The following GTF2IRD2B variants were observed in gnomAD, a reference collection of about 807,000 sequenced individuals.
GTF2IRD2B encodes the protein general transcription factor II-I repeat domain-containing protein 2B.
GTF2IRD2B carries 10 observed loss-of-function variants against 55.6 expected under a neutral mutation model. That is an observed-to-expected ratio of 0.18 (90% CI 0.11 to 0.31). The LOEUF is 0.31. Ranked by LOEUF, GTF2IRD2B falls within the 10% of genes least tolerant of loss-of-function variation. GTF2IRD2B has a pLI of 1.00. For synonymous variants in GTF2IRD2B, 107 were observed against 320.5 expected, an observed-to-expected ratio of 0.33 and a Z score of 7.12; for missense variants, 206 against 802.7, an observed-to-expected ratio of 0.26 and a Z score of 8.98.
intron 1 of GTF2IRD2B, among the ~76,000 whole-genome samples, chr7:75,092,989 CG>C (rs1462469341): frequency 1.5e-3 from 234 of 152,266 alleles, no homozygotes; most frequent in Middle Eastern, 3.4e-3. Context: ...AGCCTTGCCG[CG>C]GGGGCAATGG....
chr7:75,149,402 A>G lies in GTF2IRD2B; in HGVS notation c.*105A>G. On this transcript the variant is annotated 3_prime_UTR_variant, in exon 16 of 16. Transcript: ENST00000472837. The stretch of plus-strand genomic sequence containing the variant: ...ATGAATTTTTTTTTTCTTTTTTGAG[A>G]TGGAGTCTTGCTCTGTCGCCCAGGT... The G allele has an allele frequency of 1.3e-6, 1 of 772,784 alleles. No homozygotes were observed. The highest frequency in any genetic ancestry group is 1.7e-5 in the Admixed American group (1 of 57,968). 47.9% of individuals were successfully genotyped at this position (772,784 alleles called of 1,614,324 possible). A position where few individuals can be genotyped will look rare whatever the true frequency, so the allele number is the denominator to read the frequency against.
rs71229657 is a variant in GTF2IRD2B at position 75,119,191 on chromosome 7, C to CAAAA, written c.239-1663_239-1660dup. ...CTTAGGCGACAGAGTAAGACTCTCT[C>CAAAA]AAAAAAAAAAAAAAAAAAAAAAAAA... On this transcript the variant is annotated intron_variant, in intron 3 of 15. Coordinates refer to ENST00000472837, the MANE Select transcript of GTF2IRD2B (RefSeq NM_001003795.3). Among the ~76,000 whole-genome samples, 40 of 5,130 alleles carry CAAAA rather than the reference C, an allele frequency of 7.8e-3. 9 individuals carry two copies. Among genetic ancestry groups the CAAAA allele is most frequent in the African/African-American group, 0.03 (20 of 670 alleles). The allele number at this position is 5,130 out of a possible 152,430, so 3.4% of individuals were successfully genotyped here. A position where few individuals can be genotyped will look rare whatever the true frequency, so the allele number is the denominator to read the frequency against.
At chr7:75,126,704 AAAAC>A (rs1232336985) in intron 8 of GTF2IRD2B, among the ~76,000 whole-genome samples, 2 of 145,986 alleles carry the variant, frequency 1.4e-5, no homozygotes, top group African/African-American at 2.5e-5. Context: ...CTGTCTCAAA[AAAAC>A]AAACAAGGCT....
At chr7:75,092,988 G>A (rs1184014969) in intron 1 of GTF2IRD2B, among the ~76,000 whole-genome samples, 1 of 152,286 alleles carries the variant, frequency 6.6e-6, no homozygotes, top group Non-Finnish European at 1.5e-5. Context: ...AAGCCTTGCC[G>A]CGGGGGCAAT....
intron 3 of GTF2IRD2B, among the ~76,000 whole-genome samples, chr7:75,117,795 T>A (rs1808217117): frequency 6.6e-6 from 1 of 152,250 alleles, no homozygotes; most frequent in Admixed American, 6.5e-5. Flanking sequence ...TAAAAATATA[T>A]ATATCAGCTG....
rs1554536127 is a variant in GTF2IRD2B, at chr7:75,123,755, G to A, written c.571+239G>A. 9 of 639,570 alleles carry A rather than the reference G, an allele frequency of 1.4e-5. No homozygotes were observed. The East Asian group carries it at 3.0e-4, about 21-fold the overall frequency. 39.6% of individuals were successfully genotyped at this position (639,570 alleles called of 1,614,324 possible). On this transcript the variant is annotated intron_variant, in intron 6 of 15. Coordinates refer to ENST00000472837, the MANE Select transcript of GTF2IRD2B (RefSeq NM_001003795.3). ...TAGCCGGGCGTGGTGGCGGGCGCCT[G>A]TAGTCCCAGCTACTCGGGAGTCTGA... is the stretch of plus-strand genomic sequence containing the variant.
intron 2 of GTF2IRD2B, 113 bp downstream of exon 2, chr7:75,109,176 A>G: frequency 3.0e-6 from 2 of 658,692 alleles, no homozygotes; most frequent in Non-Finnish European, 2.4e-6. Flanking sequence ...TTTTTTTAAG[A>G]CAGAGTCTCA....
At chr7:75,122,799 G>C (rs1808420749) in intron 4 of GTF2IRD2B, among the ~76,000 whole-genome samples, 1 of 149,108 alleles carries the variant, frequency 6.7e-6, no homozygotes, top group East Asian at 2.0e-4. Flanking sequence ...TGTTATCCTA[G>C]CACTTTGGCA....
At chr7:75,116,544 G>A (rs1554537253) in intron 3 of GTF2IRD2B, among the ~76,000 whole-genome samples, 2 of 149,140 alleles carry the variant, frequency 1.3e-5, no homozygotes. Context: ...TTTCAAATTT[G>A]GAGGCCTTTT....
At position 75,149,360 on chromosome 7, in the gene GTF2IRD2B, G is replaced by T; in HGVS notation, c.*63G>T. 1 of 772,210 alleles carries T rather than the reference G, an allele frequency of 1.3e-6. No individual in the cohort carries two copies. The highest frequency in any genetic ancestry group is 2.4e-5 in the East Asian group (1 of 41,224). The allele number at this position is 772,210 out of a possible 1,614,324, so 47.8% of individuals were successfully genotyped here. On this transcript the variant is annotated 3_prime_UTR_variant, in exon 16 of 16. Transcript: ENST00000472837. ...AGGCTGGAGTCTTCTAGTCCCAAGG[G>T]ATTGGGAGATGACAAAATGAATTTT... is the stretch of plus-strand genomic sequence containing the variant.
chr7:75,093,645 A>G (rs1265178542), intron 1 of GTF2IRD2B, among the ~76,000 whole-genome samples: 1 of 152,246 alleles, frequency 6.6e-6, no homozygotes, highest in Non-Finnish European at 1.5e-5. Context: ...GTGTGGATAG[A>G]ATCATCCCAA....
intron 12 of GTF2IRD2B, among the ~76,000 whole-genome samples, chr7:75,139,644 A>C (rs1808958342): frequency 8.8e-6 from 1 of 114,238 alleles, no homozygotes; most frequent in Non-Finnish European, 1.8e-5. Flanking sequence ...AAAAAAATAA[A>C]TAATAATAAT....
intron 1 of GTF2IRD2B, among the ~76,000 whole-genome samples, chr7:75,105,071 C>T (rs1807736820): frequency 6.6e-6 from 1 of 152,302 alleles, no homozygotes; most frequent in African/African-American, 2.4e-5. Flanking sequence ...GTGGCATGCA[C>T]CTGTAGTCCC....
intron 1 of GTF2IRD2B, among the ~76,000 whole-genome samples, chr7:75,102,201 C>A: frequency 6.6e-6 from 1 of 151,176 alleles, no homozygotes; most frequent in African/African-American, 2.4e-5. Context: ...CAAAGTTTCA[C>A]CAAGTTGGCC....
chr7:75,092,799 A>G (rs1807288533), intron 1 of GTF2IRD2B, 34 bp downstream of exon 1: 1 of 153,812 alleles, frequency 6.5e-6, no homozygotes, highest in East Asian at 1.9e-4. Context: ...GACGCCGCCG[A>G]CGCCGCCATT....
Position 75,123,468 on chromosome 7 carries a change from T to C in GTF2IRD2B, c.543-20T>C, listed in dbSNP as rs1808451126. 2 of 729,044 alleles carry C rather than the reference T, an allele frequency of 2.7e-6. No individual in the cohort carries two copies. Among genetic ancestry groups the C allele is most frequent in the South Asian group, 1.7e-5 (1 of 59,758 alleles). 45.2% of individuals were successfully genotyped at this position (729,044 alleles called of 1,614,324 possible). ...TTTTTCATTGGTCCGTGCTGGGTAA[T>C]GGTGTTGCTTTTCTTGCAGACCCTT... On this transcript the variant is annotated intron_variant, in intron 5 of 15. Transcript: ENST00000472837.
intron 1 of GTF2IRD2B, among the ~76,000 whole-genome samples, chr7:75,105,873 G>C (rs1316203238): frequency 6.6e-6 from 1 of 152,310 alleles, no homozygotes; most frequent in Non-Finnish European, 1.5e-5. Context: ...GTTTCACGTT[G>C]TCTGCGATCT....
chr7:75,109,431 C>T (rs1388611747), intron 2 of GTF2IRD2B, among the ~76,000 whole-genome samples: 1 of 139,168 alleles, frequency 7.2e-6, no homozygotes, highest in East Asian at 2.4e-4. Context: ...CTCCGCCTCC[C>T]GGGTTCAAGC....
intron 1 of GTF2IRD2B, among the ~76,000 whole-genome samples, 196 bp downstream of exon 1, chr7:75,092,961 T>G (rs1554448648): frequency 1.3e-5 from 2 of 152,136 alleles, no homozygotes; most frequent in South Asian, 2.1e-4. Flanking sequence ...ACCAGAGGTG[T>G]GAGGGTGGGG....
Sources: gnomAD v4.1 joint callset for allele counts (sites outside exome capture counted in the v4.1 genomes callset) on GRCh38, gnomAD v4.1.1 for gene constraint, MANE v1.5 for transcripts, NCBI Gene and HGNC (gene_info 2026-07-23, HGNC 2026-07-21) for gene names.